The following SLC12A6 variants were observed in gnomAD, a reference collection of about 807,000 sequenced individuals.
SLC12A6 encodes the protein solute carrier family 12 member 6.
A neutral mutation model predicts 135.3 loss-of-function variants in SLC12A6; 66 were observed. That is an observed-to-expected ratio of 0.49 (90% CI 0.40 to 0.60). The LOEUF is 0.60. SLC12A6 is among the 20% of genes least tolerant of loss of function. SLC12A6 has a pLI of 0.00. For missense variants in SLC12A6, 1,058 were observed against 1,452.3 expected (o/e 0.73, Z 4.41); for synonymous variants, 513 against 508.8 (o/e 1.01, Z -0.11).
intron 2 of SLC12A6, among the ~76,000 whole-genome samples, chr15:34,321,703 G>A (rs1425274665): frequency 2.0e-5 from 3 of 152,084 alleles, no homozygotes; most frequent in Non-Finnish European, 4.4e-5. Flanking sequence ...TCCAAAAACT[G>A]GAAACATCTT....
Position 34,255,543 on chromosome 15 carries a change from G to C in SLC12A6, c.746-151C>G, listed in dbSNP as rs560878171. 4 of 546,380 alleles carry C rather than the reference G, an allele frequency of 7.3e-6. No individual in the cohort carries two copies. In the African/African-American group the frequency reaches 1.1e-4, roughly 15 times the overall value. 33.8% of individuals were successfully genotyped at this position (546,380 alleles called of 1,614,324 possible). ...AATGTGATAAAAAGATGTGCTAGTGGGAAGTAAAAGGTGAAAGTGTTATTG... is the reference window on the plus strand; with the variant it reads ...AATGTGATAAAAAGATGTGCTAGTGCGAAGTAAAAGGTGAAAGTGTTATTG... On this transcript the variant is annotated intron_variant, in intron 7 of 25. Transcript: ENST00000354181.
intron 2 of SLC12A6, among the ~76,000 whole-genome samples, chr15:34,317,129 T>C (rs347864): frequency 0.077 from 11,683 of 152,258 alleles, 1,489 homozygotes; most frequent in African/African-American, 0.27. Context: ...CAGATTAAAC[T>C]TGCTTTCCAC....
rs144461318 is a variant in SLC12A6, at chr15:34,323,940, C to CA, written c.271+12469dup. On this transcript the variant is annotated intron_variant, in intron 2 of 25. Transcript: ENST00000354181. ...TAGGTGACAGAGTGAGATCTTGTCT[C>CA]AAAAAAAAAAGACTTTTGGTAAAGA... Among the ~76,000 whole-genome samples, 116 of 130,972 alleles carry CA rather than the reference C, an allele frequency of 8.9e-4. 3 individuals carry two copies. The highest frequency in any genetic ancestry group is 2.5e-3 in the East Asian group (10 of 4,080). 85.9% of individuals were successfully genotyped at this position (130,972 alleles called of 152,430 possible).
In SLC12A6 at chr15:34,233,545, C is replaced by CTTTTTT; in HGVS notation, c.*330_*335dup. On this transcript the variant is annotated 3_prime_UTR_variant, in exon 26 of 26. Coordinates refer to ENST00000354181, the MANE Select transcript of SLC12A6 (RefSeq NM_001365088.1). ...TAATGCTGAATACGTACTTGACTTGCTTTTTTTCTTCAGTTGAATTTCTAG... is the reference window on the plus strand; with the variant it reads ...TAATGCTGAATACGTACTTGACTTGCTTTTTTTTTTTTTCTTCAGTTGAATTTCTAG... 3.3e-6 allele frequency: 1 copy of CTTTTTT among 299,736 alleles called. No homozygotes were observed. Among genetic ancestry groups the CTTTTTT allele is most frequent in the East Asian group, 7.4e-5 (1 of 13,508 alleles). 18.6% of individuals were successfully genotyped at this position (299,736 alleles called of 1,614,324 possible).
chr15:34,309,338 T>A (rs370218725), intron 2 of SLC12A6, among the ~76,000 whole-genome samples: 4 of 149,866 alleles, frequency 2.7e-5, no homozygotes, highest in South Asian at 4.2e-4. Flanking sequence ...TTACACTTAA[T>A]ATATTTTTAT....
rs751435616 is a variant in SLC12A6 at position 34,229,785 on chromosome 15, G to A, written c.*4096C>T. 13 of 1,609,496 alleles carry A rather than the reference G, an allele frequency of 8.1e-6. No homozygotes were observed. The Admixed American group carries it at 2.0e-4, about 25-fold the overall frequency. ...AGTTCAGTGGTGGAGGACTGCTTTT[G>A]TGAACATGAGAAAGCAGCGCCTGGT... On this transcript the variant is annotated 3_prime_UTR_variant, in exon 26 of 26. Transcript: ENST00000354181.
At chr15:34,325,730 T>C (rs571577547) in intron 2 of SLC12A6, among the ~76,000 whole-genome samples, 2 of 152,174 alleles carry the variant, frequency 1.3e-5, no homozygotes, top group Non-Finnish European at 2.9e-5. Context: ...GAAAATCTCA[T>C]GCTTTAACTG....
chr15:34,336,098 C>G (rs992510558), intron 2 of SLC12A6, among the ~76,000 whole-genome samples: 2 of 152,084 alleles, frequency 1.3e-5, no homozygotes, highest in Non-Finnish European at 2.9e-5. Flanking sequence ...GTGCTGAAAA[C>G]GATTACATTC....
At chr15:34,297,993 T>C (rs1895987865) in intron 2 of SLC12A6, among the ~76,000 whole-genome samples, 1 of 152,150 alleles carries the variant, frequency 6.6e-6, no homozygotes. Flanking sequence ...GCTAACTGTC[T>C]AGGACAGCAG....
intron 18 of SLC12A6, 77 bp from the exon 19 acceptor site, chr15:34,240,906 C>CTT: frequency 9.0e-7 from 1 of 1,115,812 alleles, no homozygotes; most frequent in Non-Finnish European, 1.3e-6. Context: ...AGACTCCACC[C>CTT]TTTAATTCAG....
intron 16 of SLC12A6, among the ~76,000 whole-genome samples, chr15:34,243,472 ACAG>A (rs1406386245): frequency 6.6e-6 from 1 of 152,200 alleles, no homozygotes; most frequent in African/African-American, 2.4e-5. Context: ...CTTAACTACA[ACAG>A]CAGCAGCAGC....
rs781110006 is a variant in SLC12A6 at position 34,237,978 on chromosome 15, CTTG to C, written c.2802+251_2802+253del. On this transcript the variant is annotated intron_variant, in intron 21 of 25. Coordinates refer to ENST00000354181, the MANE Select transcript of SLC12A6 (RefSeq NM_001365088.1). ...TATTTTTTAAAAAAAGATGTGTTCACTTGTTGTTTTCCCCTAGGGCTCATATGG... is the reference window on the plus strand; with the variant it reads ...TATTTTTTAAAAAAAGATGTGTTCACTTGTTTTCCCCTAGGGCTCATATGG... Among the ~76,000 whole-genome samples the C allele has an allele frequency of 9.2e-5, 14 of 152,274 alleles. 1 individual carries two copies. The highest frequency in any genetic ancestry group is 2.6e-4 in the Admixed American group (4 of 15,300).
intron 2 of SLC12A6, among the ~76,000 whole-genome samples, chr15:34,315,940 A>AAAAAC (rs553281405): frequency 0.026 from 4,020 of 152,128 alleles, 181 homozygotes; most frequent in African/African-American, 0.093. Context: ...ACCATCTCAA[A>AAAAAC]AAAACAAAAC....
chr15:34,235,269 G>A lies in SLC12A6; in HGVS notation c.3273C>T (p.Asn1091=), dbSNP rs773205027. ...VRRMHTAVKL[N]EVIVNKSHEA... is the part of the protein sequence containing the mutation. Reference sequence around the variant, plus strand: ...CATGGGACTTGTTAACTATAACCTCGTTGAGTTTCACTGCTGTATGCATCC... The same window carrying A: ...CATGGGACTTGTTAACTATAACCTCATTGAGTTTCACTGCTGTATGCATCC... Residue 1091 remains asparagine, a synonymous_variant, in exon 25 of 26, where the codon AAC becomes AAT. Transcript: ENST00000354181. 2.7e-5 allele frequency: 44 copies of A among 1,611,916 alleles called. No individual in the cohort carries two copies. The highest frequency in any genetic ancestry group is 1.6e-4 in the Middle Eastern group (1 of 6,082).
chr15:34,292,225 T>G (rs1354121134), intron 2 of SLC12A6, among the ~76,000 whole-genome samples: 1 of 152,212 alleles, frequency 6.6e-6, no homozygotes, highest in Non-Finnish European at 1.5e-5. Flanking sequence ...TTGCTAGTTT[T>G]CCTTCTAACA....
At chr15:34,331,127 C>A (rs907524143) in intron 2 of SLC12A6, among the ~76,000 whole-genome samples, 1 of 152,156 alleles carries the variant, frequency 6.6e-6, no homozygotes, top group Non-Finnish European at 1.5e-5. Context: ...TGGTGTGTGA[C>A]TAAAAATGAT....
intron 2 of SLC12A6, among the ~76,000 whole-genome samples, chr15:34,302,456 G>T (rs910579010): frequency 1.3e-5 from 2 of 152,218 alleles, no homozygotes; most frequent in African/African-American, 4.8e-5. Flanking sequence ...GACACTTTGG[G>T]AGGCCGAGGC....
chr15:34,300,063 G>C (rs891747764), intron 2 of SLC12A6, among the ~76,000 whole-genome samples: 4 of 152,106 alleles, frequency 2.6e-5, no homozygotes, highest in Non-Finnish European at 4.4e-5. Context: ...AAGAGTGACA[G>C]AGAGATTGAA....
At chr15:34,312,615 T>C (rs1888338619) in intron 2 of SLC12A6, among the ~76,000 whole-genome samples, 1 of 152,218 alleles carries the variant, frequency 6.6e-6, no homozygotes. Flanking sequence ...GTTTCTGCTT[T>C]TCCCTTCGAA....
Sources: gnomAD v4.1 joint callset for allele counts (sites outside exome capture counted in the v4.1 genomes callset) on GRCh38, gnomAD v4.1.1 for gene constraint, MANE v1.5 for transcripts, NCBI Gene and HGNC (gene_info 2026-07-23, HGNC 2026-07-21) for gene names.